The following CCDC183 variants were observed in gnomAD, a reference collection of about 807,000 sequenced individuals.
CCDC183 encodes the protein coiled-coil domain containing 183, also known as coiled-coil domain-containing protein 183.
In CCDC183, 63 loss-of-function variants were observed where a neutral mutation model predicts 65.2. The ratio of observed to expected loss-of-function variants is 0.97; its 90% CI spans 0.79 to 1.19. CCDC183 has a LOEUF of 1.19. Among genes scored for constraint, CCDC183 ranks in the 50% most tolerant of loss-of-function variants. The pLI is 0.00. For missense variants in CCDC183, 769 were observed against 689.3 expected (o/e 1.12, Z -1.30); for synonymous variants, 323 against 276.5 (o/e 1.17, Z -1.67).
In CCDC183 at chr9:136,799,693, C is replaced by T. The variant is rs887921328; in HGVS notation, c.193-20C>T. 4 of 1,610,054 alleles carry T rather than the reference C, an allele frequency of 2.5e-6. No individual in the cohort carries two copies. Among genetic ancestry groups the T allele is most frequent in the Non-Finnish European group, 3.4e-6 (4 of 1,178,546 alleles). Reference sequence around the variant, plus strand: ...GGTGCGCAAAGGGCCCGCTCTAGCTCAGCCGCCGCCGCTCCGCAGTATGAC... The same window carrying T: ...GGTGCGCAAAGGGCCCGCTCTAGCTTAGCCGCCGCCGCTCCGCAGTATGAC... On this transcript the variant is annotated intron_variant, in intron 2 of 13. Coordinates refer to ENST00000338005, the MANE Select transcript of CCDC183 (RefSeq NM_001039374.5).
At chr9:136,799,001 C>T (rs1588329771) in intron 1 of CCDC183, 101 bp from the exon 2 acceptor site, 3 of 916,342 alleles carry the variant, frequency 3.3e-6, no homozygotes, top group East Asian at 3.9e-5. Context: ...CCCCCTGGAC[C>T]CTGGGGCCTG....
At chr9:136,803,558 G>C (rs1454121298) in intron 6 of CCDC183, among the ~76,000 whole-genome samples, 2 of 152,330 alleles carry the variant, frequency 1.3e-5, no homozygotes, top group South Asian at 2.1e-4. Flanking sequence ...ACCGGGACAG[G>C]CAGACCCTGT....
intron 5 of CCDC183, 97 bp from the exon 6 acceptor site, chr9:136,802,566 AC>A: frequency 6.7e-7 from 1 of 1,499,644 alleles, no homozygotes; most frequent in Non-Finnish European, 8.9e-7. Flanking sequence ...ACAGAGGAGA[AC>A]CTATCACTGT....
intron 9 of CCDC183, 56 bp downstream of exon 9, chr9:136,805,513 C>CAGGGAGCATTACCCAGGCG: frequency 6.8e-7 from 1 of 1,465,536 alleles, no homozygotes; most frequent in Non-Finnish European, 9.5e-7. Context: ...CCTCTCACGT[C>CAGGGAGCATTACCCAGGCG]TGGGTAATGC....
At chr9:136,799,298 G>A (rs1349445648) in intron 2 of CCDC183, 75 bp downstream of exon 2, 1 of 1,507,608 alleles carries the variant, frequency 6.6e-7, no homozygotes. Context: ...CGGAGGGCGG[G>A]CACCTCCTCT....
At chr9:136,799,377 T>TGGCA in intron 2 of CCDC183, 154 bp downstream of exon 2, 1 of 1,232,990 alleles carries the variant, frequency 8.1e-7, no homozygotes, top group South Asian at 1.6e-5. Context: ...ACCTGTGCCC[T>TGGCA]GGGCTCCAGT....
Position 136,806,865 on chromosome 9 carries a change from G to A in CCDC183, c.1387G>A (p.Glu463Lys). 1 of 1,613,422 alleles carries A rather than the reference G, an allele frequency of 6.2e-7. No individual in the cohort carries two copies. The highest frequency in any genetic ancestry group is 8.5e-7 in the Non-Finnish European group (1 of 1,180,006). ...DRVQMVSRTE[E>K]GDTKVRDTLE... ...AGTGCAGATGGTGTCCAGGACCGAG[G>A]AGGTAGCCCCGGGCTGGGAGGAACC... The change falls in exon 12 of 14, where the codon GAG becomes AAG. Residue 463 changes from glutamate to lysine, a missense_variant and splice_region_variant. Glu to Lys is a moderately conservative substitution (Grantham distance 56, BLOSUM62 1). Coordinates refer to ENST00000338005, the MANE Select transcript of CCDC183 (RefSeq NM_001039374.5).
At chr9:136,800,968 C>A (rs1453041870) in intron 5 of CCDC183, among the ~76,000 whole-genome samples, 1 of 152,224 alleles carries the variant, frequency 6.6e-6, no homozygotes, top group Non-Finnish European at 1.5e-5. Context: ...GAGCACCGCC[C>A]CTCGGGCTGC....
At position 136,802,828 on chromosome 9, in the gene CCDC183, C is replaced by T. The variant is rs199521010; in HGVS notation, c.666+42C>T. ...GGGCTGGGGGCCCCCCAGGGCCAGC[C>T]CTCTTGGATCTTCGGATGGGGTCAA... On this transcript the variant is annotated intron_variant, in intron 6 of 13. Coordinates refer to ENST00000338005, the MANE Select transcript of CCDC183 (RefSeq NM_001039374.5). The T allele has an allele frequency of 1.6e-4, 177 of 1,132,234 alleles. 1 individual carries two copies. In the African/African-American group the frequency reaches 2.5e-3, roughly 16 times the overall value. The allele number at this position is 1,132,234 out of a possible 1,614,324, so 70.1% of individuals were successfully genotyped here.
At position 136,806,666 on chromosome 9, in the gene CCDC183, G is replaced by C; in HGVS notation, c.1272G>C (p.Ala424=). 6.2e-7 allele frequency: 1 copy of C among 1,613,416 alleles called. No homozygotes were observed. The highest frequency in any genetic ancestry group is 8.5e-7 in the Non-Finnish European group (1 of 1,180,002). ...YVRLMGINLP[A]TQREVVLSNT... ...GGCTGATGGGCATTAACTTGCCTGCGACCCAGGTACCGGGAGTGAGGCTGA... is the reference window on the plus strand; with the variant it reads ...GGCTGATGGGCATTAACTTGCCTGCCACCCAGGTACCGGGAGTGAGGCTGA... The change falls in exon 11 of 14, where the codon GCG becomes GCC. Residue 424 remains alanine, a synonymous_variant. Transcript: ENST00000338005.
intron 13 of CCDC183, 90 bp downstream of exon 13, chr9:136,807,156 C>T: frequency 1.7e-6 from 2 of 1,191,244 alleles, no homozygotes; most frequent in African/African-American, 1.5e-5. Flanking sequence ...CCGGGACATC[C>T]TGGAGGGACA....
chr9:136,799,044 T>A, intron 1 of CCDC183, 58 bp from the exon 2 acceptor site: 6 of 1,605,060 alleles, frequency 3.7e-6, no homozygotes, highest in Non-Finnish European at 5.1e-6. Flanking sequence ...CCCCAGGGGA[T>A]TCCAGGCCAG....
At position 136,804,641 on chromosome 9, in the gene CCDC183, C is replaced by G; in HGVS notation, c.792+14C>G. ...AAGTACCGCCGGGTAAGCCCCAGGC[C>G]AGGGCCTGGCTGGCTGCCCATCCCC... On this transcript the variant is annotated intron_variant, in intron 7 of 13. Coordinates refer to ENST00000338005, the MANE Select transcript of CCDC183 (RefSeq NM_001039374.5). This position sits in a 1 kb window ranked among gnomAD's most constrained non-coding sequence, Gnocchi z 4.1. The G allele has an allele frequency of 8.1e-6, 13 of 1,613,474 alleles. No individual in the cohort carries two copies. Among genetic ancestry groups the G allele is most frequent in the Non-Finnish European group, 1.1e-5 (13 of 1,179,766 alleles).
Position 136,800,041 on chromosome 9 carries a change from G to A in CCDC183, c.310G>A (p.Val104Met). The A allele has an allele frequency of 1.3e-6, 2 of 1,589,226 alleles. No homozygotes were observed. The highest frequency in any genetic ancestry group is 2.3e-5 in the East Asian group (1 of 43,872). ...GCTGCGCAAGTACGTCTTCGACCGC[G>A]TGAACATGCACAACCTACTGATCCA... ...EKLRKYVFDR[V>M]NMHNLLIHLV... Residue 104 changes from valine (V) to methionine (M), a missense_variant, in exon 4 of 14, where the codon GTG becomes ATG. Transcript: ENST00000338005.
intron 13 of CCDC183, 102 bp downstream of exon 13, chr9:136,807,168 C>G: frequency 9.5e-7 from 1 of 1,047,968 alleles, no homozygotes; most frequent in Non-Finnish European, 1.4e-6. Context: ...GGAGGGACAG[C>G]GGGGCTACAG....
intron 1 of CCDC183, among the ~76,000 whole-genome samples, chr9:136,798,206 A>G (rs891720225): frequency 1.3e-5 from 2 of 151,878 alleles, no homozygotes; most frequent in African/African-American, 4.8e-5. Context: ...GGGTTTACCC[A>G]TCTTGGCCAG....
rs1179150554 is a variant in CCDC183 at position 136,806,985 on chromosome 9, A to T, written c.1405A>T (p.Arg469Trp). The part of the protein sequence containing the change: ...SRTEEGDTKV[R>W]DTLESSTLME... ...TGCCCTGCAGGGCGACACAAAGGTG[A>T]GGGACACCCTGGAGTCCTCGACTCT... Residue 469 changes from arginine to tryptophan, a missense_variant, in exon 13 of 14, where the codon AGG becomes TGG. Coordinates refer to ENST00000338005, the MANE Select transcript of CCDC183 (RefSeq NM_001039374.5). The T allele has an allele frequency of 5.0e-6, 8 of 1,613,608 alleles. No homozygotes were observed. Among genetic ancestry groups the T allele is most frequent in the Non-Finnish European group, 6.8e-6 (8 of 1,180,038 alleles).
chr9:136,805,456 G>C lies in CCDC183; in HGVS notation c.947G>C (p.Trp316Ser). The C allele has an allele frequency of 6.2e-7, 1 of 1,613,502 alleles. No individual in the cohort carries two copies. Among genetic ancestry groups the C allele is most frequent in the South Asian group, 1.1e-5 (1 of 90,974 alleles). ...VKSAVRCSHVWDITSRFLAQR... is the reference protein window; with the variant it reads ...VKSAVRCSHVSDITSRFLAQR... ...AGTGCTGTACGGTGCTCTCACGTCT[G>C]GGTAATGCCCCTGGCGCTCCCAGAG... is the stretch of plus-strand genomic sequence containing the variant. Residue 316 changes from tryptophan to serine, a missense_variant and splice_region_variant, in exon 9 of 14, where the codon TGG becomes TCG. By Grantham distance (177) the Trp-to-Ser change is radical. Coordinates refer to ENST00000338005, the MANE Select transcript of CCDC183 (RefSeq NM_001039374.5).
chr9:136,799,600 C>A, intron 2 of CCDC183, 113 bp from the exon 3 acceptor site: 1 of 916,356 alleles, frequency 1.1e-6, no homozygotes, highest in East Asian at 2.7e-5. Context: ...AAGCAGGGAT[C>A]TCGCTACTGG....
Sources: gnomAD v4.1 joint callset for allele counts (sites outside exome capture counted in the v4.1 genomes callset) on GRCh38, gnomAD v4.1.1 for gene constraint, Gnocchi (gnomAD v3.1) non-coding constraint, MANE v1.5 for transcripts, NCBI Gene and HGNC (gene_info 2026-07-23, HGNC 2026-07-21) for gene names.